Variants in NEGR1 observed in about 807,000 individuals in gnomAD.
NEGR1 encodes the protein neuronal growth regulator 1, also known as IgLON family member 4.
Under a neutral mutation model 40.9 loss-of-function variants are expected in NEGR1, and 10 were observed. That is an observed-to-expected ratio of 0.24 (90% CI 0.15 to 0.42). NEGR1 has a LOEUF of 0.42. NEGR1 is among the 10% of genes least tolerant of loss of function. The pLI, the probability that NEGR1 is intolerant of heterozygous loss-of-function variation, is 1.00. For missense variants in NEGR1, 352 were observed against 438.9 expected (o/e 0.80, Z 1.77); for synonymous variants, 185 against 166.8 (o/e 1.11, Z -0.84).
chr1:71,605,854 T>C (rs1406454083), intron 5 of NEGR1, among the ~76,000 whole-genome samples: 7 of 152,192 alleles, frequency 4.6e-5, no homozygotes, highest in Non-Finnish European at 8.8e-5. Context: ...TAAGAGGTAA[T>C]ATTTTAATAA....
At chr1:71,594,272 G>T (rs1243068728) in intron 5 of NEGR1, among the ~76,000 whole-genome samples, 5 of 152,156 alleles carry the variant, frequency 3.3e-5, no homozygotes, top group Non-Finnish European at 7.3e-5. Flanking sequence ...TAAACTGATA[G>T]TCCAAATGGC....
intron 3 of NEGR1, among the ~76,000 whole-genome samples, chr1:71,719,294 C>A (rs1211204292): frequency 1.3e-5 from 2 of 152,046 alleles, no homozygotes; most frequent in African/African-American, 4.8e-5. Flanking sequence ...TCATACATAA[C>A]AAATGTTCAT....
At chr1:71,913,645 T>G (rs982479639) in intron 2 of NEGR1, among the ~76,000 whole-genome samples, 1 of 152,206 alleles carries the variant, frequency 6.6e-6, no homozygotes, top group African/African-American at 2.4e-5. Context: ...TGATTAGAAT[T>G]TTCTTTCTAT....
Position 72,229,373 on chromosome 1 carries a change from A to G in NEGR1, c.176+52946T>C, listed in dbSNP as rs150162635. Among the ~76,000 whole-genome samples, 292 of 148,596 alleles carry G rather than the reference A, an allele frequency of 2.0e-3. 1 individual carries two copies. Among genetic ancestry groups the G allele is most frequent in the African/African-American group, 6.9e-3 (284 of 40,980 alleles). ...TATTTAAGATAGAATGTAATAAAAT[A>G]TAATATTTTGATTTTAAATGATATT... On this transcript the variant is annotated intron_variant, in intron 1 of 6. Coordinates refer to ENST00000357731, the MANE Select transcript of NEGR1 (RefSeq NM_173808.3).
chr1:71,410,123 T>A (rs1394632151), intron 6 of NEGR1, among the ~76,000 whole-genome samples: 1 of 152,148 alleles, frequency 6.6e-6, no homozygotes, highest in Non-Finnish European at 1.5e-5. Flanking sequence ...AGCATACGTC[T>A]TTTCACTGAT....
intron 6 of NEGR1, among the ~76,000 whole-genome samples, chr1:71,566,103 C>G (rs988991774): frequency 2.6e-5 from 4 of 151,956 alleles, no homozygotes; most frequent in African/African-American, 9.7e-5. Flanking sequence ...AGGAAACAAC[C>G]CTGCCAAAAC....
At chr1:71,980,427 A>G (rs1238491317) in intron 1 of NEGR1, among the ~76,000 whole-genome samples, 1 of 152,162 alleles carries the variant, frequency 6.6e-6, no homozygotes, top group African/African-American at 2.4e-5. Context: ...AAAAGGCAAT[A>G]TCTAATATTC....
chr1:71,705,754 A>G (rs574175780), intron 3 of NEGR1, among the ~76,000 whole-genome samples: 4 of 151,926 alleles, frequency 2.6e-5, no homozygotes, highest in African/African-American at 7.2e-5. Context: ...AGAAAAGAAA[A>G]TAAAAGAAGA....
chr1:71,874,716 A>G (rs1660375545), intron 2 of NEGR1, among the ~76,000 whole-genome samples: 1 of 152,214 alleles, frequency 6.6e-6, no homozygotes, highest in Admixed American at 6.5e-5. Flanking sequence ...ATGTTCAAGT[A>G]TCTTCAAATA....
At chr1:71,916,441 T>C (rs1661586653) in intron 2 of NEGR1, among the ~76,000 whole-genome samples, 1 of 152,146 alleles carries the variant, frequency 6.6e-6, no homozygotes, top group Non-Finnish European at 1.5e-5. Context: ...ATGTAAAGAA[T>C]ATATTTAGAA....
At chr1:71,874,733 A>G (rs1382293351) in intron 2 of NEGR1, among the ~76,000 whole-genome samples, 1 of 152,212 alleles carries the variant, frequency 6.6e-6, no homozygotes, top group Non-Finnish European at 1.5e-5. Context: ...AATAAAAGAT[A>G]GTTTACACTA....
rs369264518 is a variant in NEGR1 at position 71,613,909 on chromosome 1, G to T, written c.668-2763C>A. 1.5e-4 allele frequency among the ~76,000 whole-genome samples: 23 copies of T among 151,980 alleles called. No homozygotes were observed. The South Asian group carries it at 4.2e-3, about 27-fold the overall frequency. On this transcript the variant is annotated intron_variant, in intron 4 of 6. Transcript: ENST00000357731. ...GCAATTAAAAAGTACAGCACTTAAT[G>T]GTTTATCAATATTCAGTGAATACTG...
At chr1:72,215,878 T>C (rs1653787556) in intron 1 of NEGR1, among the ~76,000 whole-genome samples, 3 of 152,026 alleles carry the variant, frequency 2.0e-5, no homozygotes, top group Admixed American at 2.0e-4. Flanking sequence ...CTAAGTATTA[T>C]AAATCATTGT....
chr1:72,281,819 A>T (rs769850304), intron 1 of NEGR1, among the ~76,000 whole-genome samples: 1 of 152,152 alleles, frequency 6.6e-6, no homozygotes, highest in African/African-American at 2.4e-5. Flanking sequence ...GAAGGAGAAA[A>T]GAAAGAAAAC....
In NEGR1 at chr1:71,563,281, G is replaced by A. The variant is rs148518360; in HGVS notation, c.940+29536C>T. On this transcript the variant is annotated intron_variant, in intron 6 of 6. Coordinates refer to ENST00000357731, the MANE Select transcript of NEGR1 (RefSeq NM_173808.3). ...TAATCTCCTGGAAAGACACATCTAT[G>A]AATTTTGCTTGTAAGCTGGCAGATA... 2.3e-4 allele frequency among the ~76,000 whole-genome samples: 35 copies of A among 152,078 alleles called. No homozygotes were observed. In the East Asian group the frequency reaches 6.6e-3, roughly 29 times the overall value.
intron 1 of NEGR1, among the ~76,000 whole-genome samples, chr1:72,080,597 T>C (rs1647953415): frequency 2.0e-5 from 3 of 152,152 alleles, no homozygotes; most frequent in Non-Finnish European, 2.9e-5. Flanking sequence ...TCAAATATTA[T>C]GCAAATGCAG....
chr1:71,987,866 G>C (rs934616008), intron 1 of NEGR1, among the ~76,000 whole-genome samples: 1 of 152,140 alleles, frequency 6.6e-6, no homozygotes, highest in African/African-American at 2.4e-5. Flanking sequence ...AACTCTGAAA[G>C]GATGTGTGTA....
intron 1 of NEGR1, among the ~76,000 whole-genome samples, chr1:72,174,164 T>A (rs1339275273): frequency 6.6e-6 from 1 of 152,134 alleles, no homozygotes; most frequent in Non-Finnish European, 1.5e-5. Context: ...ATCTTGCAAC[T>A]TTCTTAACGT....
chr1:71,964,018 T>C (rs1437025565), intron 1 of NEGR1, among the ~76,000 whole-genome samples: 2 of 152,190 alleles, frequency 1.3e-5, no homozygotes, highest in Admixed American at 6.6e-5. Flanking sequence ...TGGTGTTCTT[T>C]CTGTCCTCAA....
Sources: gnomAD v4.1 joint callset for allele counts (sites outside exome capture counted in the v4.1 genomes callset) on GRCh38, gnomAD v4.1.1 for gene constraint, MANE v1.5 for transcripts, NCBI Gene and HGNC (gene_info 2026-07-23, HGNC 2026-07-21) for gene names.